Variants in ATP6V0D2 observed in about 807,000 individuals in gnomAD.
ATP6V0D2 encodes the protein ATPase H+ transporting V0 subunit d2.
In ATP6V0D2, 40 loss-of-function variants were observed where a neutral mutation model predicts 40.0. That is an observed-to-expected ratio of 1.00 (90% CI 0.78 to 1.30). The LOEUF is 1.30. Ranked by LOEUF, ATP6V0D2 falls within the 50% of genes most tolerant of loss-of-function variation. The pLI is 0.00. For missense variants in ATP6V0D2, 470 were observed against 423.1 expected, an observed-to-expected ratio of 1.11 and a Z score of -0.97; for synonymous variants, 179 against 156.3, an observed-to-expected ratio of 1.15 and a Z score of -1.08.
chr8:86,119,232 C>CT (rs35945978), intron 2 of ATP6V0D2, among the ~76,000 whole-genome samples: 2,035 of 125,930 alleles, frequency 0.016, 83 homozygotes, highest in African/African-American at 0.041. Flanking sequence ...ATCATAGGAT[C>CT]TTTTTTTTTT....
intron 2 of ATP6V0D2, among the ~76,000 whole-genome samples, chr8:86,139,227 C>CAA (rs35331724): frequency 3.3e-5 from 4 of 120,266 alleles, no homozygotes; most frequent in African/African-American, 6.1e-5. Flanking sequence ...GACTTGGTCT[C>CAA]AAAAAAAAAA....
At chr8:86,138,568 T>C (rs547846172) in intron 2 of ATP6V0D2, among the ~76,000 whole-genome samples, 1 of 152,222 alleles carries the variant, frequency 6.6e-6, no homozygotes, top group East Asian at 1.9e-4. Flanking sequence ...CACATAAAAA[T>C]GATTAAAATA....
intron 1 of ATP6V0D2, 49 bp from the exon 2 acceptor site, chr8:86,113,660 T>G: frequency 6.7e-7 from 1 of 1,495,092 alleles, no homozygotes; most frequent in Non-Finnish European, 9.1e-7. Flanking sequence ...AAAAAGCTAT[T>G]TGTGTATGTT....
intron 5 of ATP6V0D2, among the ~76,000 whole-genome samples, chr8:86,147,420 G>C (rs1819085972): frequency 6.6e-6 from 1 of 152,198 alleles, no homozygotes; most frequent in Non-Finnish European, 1.5e-5. Flanking sequence ...TAAAAGGAAA[G>C]TCATGGGACT....
intron 2 of ATP6V0D2, among the ~76,000 whole-genome samples, chr8:86,128,627 T>C (rs548858818): frequency 1.3e-5 from 2 of 152,356 alleles, no homozygotes; most frequent in East Asian, 3.9e-4. Flanking sequence ...AGAAGTAATA[T>C]TGAACTTTTT....
intron 1 of ATP6V0D2, among the ~76,000 whole-genome samples, chr8:86,103,128 T>C (rs1488029144): frequency 6.6e-6 from 1 of 151,926 alleles, no homozygotes; most frequent in Non-Finnish European, 1.5e-5. Context: ...CTTTTTTTTT[T>C]CTTTTTGAGA....
intron 7 of ATP6V0D2, among the ~76,000 whole-genome samples, chr8:86,151,920 T>C (rs1329464824): frequency 6.6e-6 from 1 of 152,036 alleles, no homozygotes; most frequent in Non-Finnish European, 1.5e-5. Flanking sequence ...AATGTTTCTT[T>C]TTTAAAAAAA....
intron 5 of ATP6V0D2, among the ~76,000 whole-genome samples, chr8:86,149,720 G>C (rs1270038996): frequency 1.3e-5 from 2 of 152,190 alleles, no homozygotes; most frequent in African/African-American, 4.8e-5. Context: ...ATCATGCTAA[G>C]CACTTCCACT....
At chr8:86,126,707 A>T (rs1818749718) in intron 2 of ATP6V0D2, among the ~76,000 whole-genome samples, 1 of 152,194 alleles carries the variant, frequency 6.6e-6, no homozygotes, top group South Asian at 2.1e-4. Flanking sequence ...AGCTGGAGAC[A>T]ATTGAAAAGC....
intron 2 of ATP6V0D2, among the ~76,000 whole-genome samples, chr8:86,119,089 A>G (rs533530666): frequency 1.3e-5 from 2 of 152,284 alleles, no homozygotes; most frequent in Admixed American, 6.5e-5. Flanking sequence ...GTACTTTGGG[A>G]TTGGGAAACA....
At chr8:86,150,073 A>G in intron 5 of ATP6V0D2, 39 bp from the exon 6 acceptor site, 1 of 1,585,142 alleles carries the variant, frequency 6.3e-7, no homozygotes, top group Non-Finnish European at 8.6e-7. Context: ...AGCATTTAGC[A>G]GTTTATTAGA....
chr8:86,136,790 T>C (rs1332987193), intron 2 of ATP6V0D2, among the ~76,000 whole-genome samples: 1 of 152,116 alleles, frequency 6.6e-6, no homozygotes, highest in Non-Finnish European at 1.5e-5. Flanking sequence ...CTGGTGACAA[T>C]GTTTCTACGT....
At position 86,118,724 on chromosome 8, in the gene ATP6V0D2, A is replaced by G. The variant is rs554811944; in HGVS notation, c.302+4844A>G. Among the ~76,000 whole-genome samples, 589 of 151,796 alleles carry G rather than the reference A, an allele frequency of 3.9e-3. 4 individuals carry two copies. Among genetic ancestry groups the G allele is most frequent in the Non-Finnish European group, 6.6e-3 (452 of 68,030 alleles). ...GACAAAATGGCCCTAGTTGTGTGGA[A>G]GGAAAAATAACAATCAATATACTAG... On this transcript the variant is annotated intron_variant, in intron 2 of 7. Transcript: ENST00000285393.
intron 2 of ATP6V0D2, among the ~76,000 whole-genome samples, chr8:86,123,054 A>G (rs1156313561): frequency 6.6e-6 from 1 of 152,226 alleles, no homozygotes; most frequent in Non-Finnish European, 1.5e-5. Context: ...TAAGGGGAGA[A>G]GTATTTTCCC....
At chr8:86,148,144 A>G in intron 5 of ATP6V0D2, among the ~76,000 whole-genome samples, 1 of 152,178 alleles carries the variant, frequency 6.6e-6, no homozygotes, top group East Asian at 1.9e-4. Context: ...ACATTAAAGA[A>G]CATCTATGAC....
At chr8:86,148,457 G>A (rs577331172) in intron 5 of ATP6V0D2, among the ~76,000 whole-genome samples, 59 of 152,236 alleles carry the variant, frequency 3.9e-4, no homozygotes, top group Non-Finnish European at 7.2e-4. Context: ...TTGCAAGTTG[G>A]GTTTTGTTAT....
At chr8:86,113,912 C>T (rs1818560469) in intron 2 of ATP6V0D2, 32 bp downstream of exon 2, 2 of 1,583,598 alleles carry the variant, frequency 1.3e-6, no homozygotes, top group Middle Eastern at 1.7e-4. Context: ...TAATAAGCCC[C>T]AATGTACTCG....
intron 1 of ATP6V0D2, among the ~76,000 whole-genome samples, chr8:86,108,207 A>ACACAGCT (rs1306594970): frequency 6.6e-5 from 10 of 152,150 alleles, no homozygotes; most frequent in Non-Finnish European, 1.3e-4. Context: ...AGTAGCTTGA[A>ACACAGCT]CACAGCTCAC....
intron 1 of ATP6V0D2, among the ~76,000 whole-genome samples, chr8:86,111,268 C>A (rs1818525874): frequency 1.3e-5 from 2 of 151,458 alleles, no homozygotes; most frequent in African/African-American, 4.9e-5. Flanking sequence ...CTCACTGAAG[C>A]CTCGAGCCCC....
Sources: allele counts gnomAD v4.1 joint callset (sites outside exome capture counted in the v4.1 genomes callset), GRCh38; gene constraint gnomAD v4.1.1; transcripts MANE v1.5; gene names NCBI Gene and HGNC (gene_info 2026-07-23, HGNC 2026-07-21).